The following FAM168B variants were observed in gnomAD, a reference collection of about 807,000 sequenced individuals.
The protein encoded by FAM168B is myelin-associated neurite-outgrowth inhibitor.
Under a neutral mutation model 21.8 loss-of-function variants are expected in FAM168B, and 19 were observed. The observed-to-expected ratio is 0.87, with a 90% CI of 0.61 to 1.28. The LOEUF (loss-of-function observed/expected upper bound fraction) is 1.28, where lower values mean the gene tolerates loss of function less well. Among genes scored for constraint, FAM168B ranks in the 50% most tolerant of loss-of-function variants. FAM168B has a pLI of 0.00. For synonymous variants in FAM168B, 126 were observed against 104.8 expected, an observed-to-expected ratio of 1.20 and a Z score of -1.24; for missense variants, 233 against 263.1, an observed-to-expected ratio of 0.89 and a Z score of 0.79.
Position 131,082,664 on chromosome 2 carries a change from G to GA in FAM168B, c.-11-8dup, listed in dbSNP as rs759616500. ...GGATTCATGATTTCAAAAACTAAAA[G>GA]AAAAAAAAGGGAATTTAGCCAAGCA... On this transcript the variant is annotated splice_region_variant and splice_polypyrimidine_tract_variant and intron_variant, in intron 1 of 6. Coordinates refer to ENST00000389915, the MANE Select transcript of FAM168B (RefSeq NM_001009993.4). The GA allele has an allele frequency of 2.8e-5, 44 of 1,569,306 alleles. No individual in the cohort carries two copies. Among genetic ancestry groups the GA allele is most frequent in the East Asian group, 6.8e-5 (3 of 44,294 alleles).
At chr2:131,089,248 G>A (rs981315467) in intron 1 of FAM168B, among the ~76,000 whole-genome samples, 3 of 151,072 alleles carry the variant, frequency 2.0e-5, no homozygotes, top group African/African-American at 4.9e-5. Context: ...TTACAGGCGT[G>A]AGCCACTGCA....
In FAM168B at chr2:131,075,686, C is replaced by T. The variant is rs184772809; in HGVS notation, c.71-3748G>A. 6.8e-4 allele frequency among the ~76,000 whole-genome samples: 104 copies of T among 152,140 alleles called. 1 individual carries two copies. The highest frequency in any genetic ancestry group is 2.3e-3 in the African/African-American group (94 of 41,476). ...TGTATTTTTAGTAGAGACAGGGTTT[C>T]ACCATGTTAGCCAGGATGGTCTCGA... On this transcript the variant is annotated intron_variant, in intron 2 of 6. Transcript: ENST00000389915.
intron 2 of FAM168B, among the ~76,000 whole-genome samples, chr2:131,077,948 C>T (rs1000311873): frequency 3.3e-5 from 5 of 152,164 alleles, no homozygotes; most frequent in African/African-American, 9.7e-5. Flanking sequence ...GGAAACCCTG[C>T]GCTCCAGAAT....
chr2:131,048,159 G>C lies in FAM168B; in HGVS notation c.*4306C>G, dbSNP rs1205150615. On this transcript the variant is annotated 3_prime_UTR_variant, in exon 7 of 7. Coordinates refer to ENST00000389915, the MANE Select transcript of FAM168B (RefSeq NM_001009993.4). Reference sequence around the variant, plus strand: ...TACCGAGAGAACGGTGTAAAAAACGGTATTTAAAAATCATTTTTAAAAAAA... The same window carrying C: ...TACCGAGAGAACGGTGTAAAAAACGCTATTTAAAAATCATTTTTAAAAAAA... 2 of 1,245,494 alleles carry C rather than the reference G, an allele frequency of 1.6e-6. No individual in the cohort carries two copies. Among genetic ancestry groups the C allele is most frequent in the Non-Finnish European group, 1.0e-6 (1 of 955,550 alleles). The allele number at this position is 1,245,494 out of a possible 1,614,324, so 77.2% of individuals were successfully genotyped here.
chr2:131,084,314 C>G (rs892430218), intron 1 of FAM168B, among the ~76,000 whole-genome samples: 5 of 151,514 alleles, frequency 3.3e-5, no homozygotes, highest in Admixed American at 3.3e-4. Flanking sequence ...CTCAGCCTCC[C>G]TAGGAGCTGG....
chr2:131,080,670 T>C (rs993722495), intron 2 of FAM168B, among the ~76,000 whole-genome samples: 1 of 148,550 alleles, frequency 6.7e-6, no homozygotes, highest in African/African-American at 2.5e-5. Flanking sequence ...AAAAGAATAG[T>C]AAAAGAATTT....
At chr2:131,089,441 T>C (rs1274316843) in intron 1 of FAM168B, among the ~76,000 whole-genome samples, 1 of 151,084 alleles carries the variant, frequency 6.6e-6, no homozygotes, top group Non-Finnish European at 1.5e-5. Context: ...ATCTTTAAAA[T>C]GAAAGACCTG....
At chr2:131,076,118 G>C (rs1573798748) in intron 2 of FAM168B, among the ~76,000 whole-genome samples, 1 of 152,246 alleles carries the variant, frequency 6.6e-6, no homozygotes, top group Non-Finnish European at 1.5e-5. Flanking sequence ...GCTTTAGCTG[G>C]TCTCGGGTGC....
chr2:131,082,589 T>G lies in FAM168B; in HGVS notation c.58A>C (p.Ile20Leu), dbSNP rs1181092924. ...TTTACTTACTTACCTGGATAACCAA[T>G]TCCTTTGGCATTTGCATAGGGAACC... ...SGVPYANAKGIGYPAGFPMGY... is the reference protein window; with the variant it reads ...SGVPYANAKGLGYPAGFPMGY... The change falls in exon 2 of 7, where the codon ATT (isoleucine) becomes CTT (leucine). Residue 20 changes from isoleucine to leucine, a missense_variant. Transcript: ENST00000389915. 21 of 1,607,440 alleles carry G rather than the reference T, an allele frequency of 1.3e-5. No homozygotes were observed. Among genetic ancestry groups the G allele is most frequent in the Non-Finnish European group, 1.8e-5 (21 of 1,177,172 alleles).
At chr2:131,086,034 G>A (rs768618699) in intron 1 of FAM168B, among the ~76,000 whole-genome samples, 13 of 152,136 alleles carry the variant, frequency 8.5e-5, no homozygotes, top group Non-Finnish European at 1.6e-4. Flanking sequence ...AGTATACAAA[G>A]GCATAGCAGG....
Position 131,049,617 on chromosome 2 carries a change from A to T in FAM168B, c.*2848T>A, listed in dbSNP as rs1473884168. ...CTGCAGCGGCTGAACACACTCCCCAAGCCTCAGGGGAGAAGGTGTAGAACA... is the reference window on the plus strand; with the variant it reads ...CTGCAGCGGCTGAACACACTCCCCATGCCTCAGGGGAGAAGGTGTAGAACA... On this transcript the variant is annotated 3_prime_UTR_variant, in exon 7 of 7. Coordinates refer to ENST00000389915, the MANE Select transcript of FAM168B (RefSeq NM_001009993.4). 1 of 985,396 alleles carries T rather than the reference A, an allele frequency of 1.0e-6. No homozygotes were observed. The highest frequency in any genetic ancestry group is 6.1e-5 in the Admixed American group (1 of 16,264). 61.0% of individuals were successfully genotyped at this position (985,396 alleles called of 1,614,324 possible).
intron 1 of FAM168B, among the ~76,000 whole-genome samples, chr2:131,086,507 G>T (rs1029865123): frequency 6.6e-6 from 1 of 152,150 alleles, no homozygotes; most frequent in African/African-American, 2.4e-5. Context: ...AGCTACTTGA[G>T]ATCAATTGAG....
At chr2:131,061,292 A>AT (rs145127554) in intron 3 of FAM168B, among the ~76,000 whole-genome samples, 3 of 148,512 alleles carry the variant, frequency 2.0e-5, no homozygotes, top group African/African-American at 7.4e-5. Context: ...CGCCTCCAAA[A>AT]TTTAAAAAAA....
intron 3 of FAM168B, among the ~76,000 whole-genome samples, 198 bp from the exon 4 acceptor site, chr2:131,055,893 G>A (rs535495725): frequency 6.6e-6 from 1 of 152,292 alleles, no homozygotes; most frequent in South Asian, 2.1e-4. Context: ...ACGTGTGTGT[G>A]GTGGCAGGGT....
chr2:131,078,657 G>A (rs1053356903), intron 2 of FAM168B, among the ~76,000 whole-genome samples: 1 of 152,096 alleles, frequency 6.6e-6, no homozygotes, highest in African/African-American at 2.4e-5. Context: ...ACACGGGTTG[G>A]GGGAAATGTA....
At chr2:131,087,298 A>G (rs1224600490) in intron 1 of FAM168B, among the ~76,000 whole-genome samples, 2 of 151,908 alleles carry the variant, frequency 1.3e-5, no homozygotes, top group Admixed American at 1.3e-4. Context: ...GTGAAACCCC[A>G]TCTCTACTAA....
chr2:131,065,357 G>A (rs1417875501), intron 3 of FAM168B, among the ~76,000 whole-genome samples: 1 of 152,026 alleles, frequency 6.6e-6, no homozygotes, highest in Non-Finnish European at 1.5e-5. Flanking sequence ...CCTTTAAGAG[G>A]GAAAGAAACA....
Position 131,051,497 on chromosome 2 carries a change from A to G in FAM168B, c.*968T>C, listed in dbSNP as rs1192109224. Reference sequence around the variant, plus strand: ...CATTTCTCCAGGAAAAAAAAAAAAAAAGGAATGATTTTCTAAGCTAAATAA... The same window carrying G: ...CATTTCTCCAGGAAAAAAAAAAAAAGAGGAATGATTTTCTAAGCTAAATAA... On this transcript the variant is annotated 3_prime_UTR_variant, in exon 7 of 7. Coordinates refer to ENST00000389915, the MANE Select transcript of FAM168B (RefSeq NM_001009993.4). The G allele has an allele frequency of 1.0e-6, 1 of 984,434 alleles. No individual in the cohort carries two copies. The highest frequency in any genetic ancestry group is 1.2e-6 in the Non-Finnish European group (1 of 829,300). 61.0% of individuals were successfully genotyped at this position (984,434 alleles called of 1,614,324 possible).
chr2:131,077,170 AT>A (rs1693197083), intron 2 of FAM168B, among the ~76,000 whole-genome samples: 1 of 150,652 alleles, frequency 6.6e-6, no homozygotes, highest in Admixed American at 6.6e-5. Context: ...TCAATCAACT[AT>A]GGAAGCCCAC....
Sources: allele counts gnomAD v4.1 joint callset (sites outside exome capture counted in the v4.1 genomes callset), GRCh38; gene constraint gnomAD v4.1.1; transcripts MANE v1.5; gene names NCBI Gene and HGNC (gene_info 2026-07-23, HGNC 2026-07-21).